Variants in LAMA3 observed in about 807,000 individuals in gnomAD.
The protein encoded by LAMA3 is laminin subunit alpha-3.
A neutral mutation model predicts 402.0 loss-of-function variants in LAMA3; 281 were observed. That is an observed-to-expected ratio of 0.70 (90% CI 0.63 to 0.77). The LOEUF is 0.77. LAMA3 is among the 30% of genes least tolerant of loss of function. The pLI is 0.00. For synonymous variants in LAMA3, 1,431 were observed against 1,558.4 expected, an observed-to-expected ratio of 0.92 and a Z score of 1.93; for missense variants, 3,840 against 4,215.5, an observed-to-expected ratio of 0.91 and a Z score of 2.47.
chr18:23,721,963 T>C (rs896917343), intron 2 of LAMA3, among the ~76,000 whole-genome samples: 3 of 152,220 alleles, frequency 2.0e-5, no homozygotes, highest in African/African-American at 4.8e-5. Flanking sequence ...TCTCAGTGTG[T>C]TGTTCTCCCT....
chr18:23,901,138 A>G lies in LAMA3; in HGVS notation c.6016A>G (p.Ile2006Val), dbSNP rs775133779. The G allele has an allele frequency of 1.2e-6, 2 of 1,613,946 alleles. No individual in the cohort carries two copies. The highest frequency in any genetic ancestry group is 2.7e-5 in the African/African-American group (2 of 74,906). Residue 2006 changes from isoleucine to valine, a missense_variant, in exon 48 of 75, where the codon ATA (isoleucine) becomes GTA (valine). Coordinates refer to ENST00000313654, the MANE Select transcript of LAMA3 (RefSeq NM_198129.4). ...KRESQLLLNR[I>V]RTWQKTHQGE... ...GTGATGTATTACAGTGCTGAACCGG[A>G]TAAGGACCTGGCAGAAAACCCACCA... is the stretch of plus-strand genomic sequence containing the variant.
chr18:23,890,969 G>A (rs1296742441), intron 42 of LAMA3, among the ~76,000 whole-genome samples: 1 of 152,210 alleles, frequency 6.6e-6, no homozygotes, highest in Non-Finnish European at 1.5e-5. Context: ...ACAGTAAAGG[G>A]ACCAAGGGAA....
In LAMA3 at chr18:23,903,092, C is replaced by T. The variant is rs377253260; in HGVS notation, c.6285C>T (p.Asn2095=). The T allele has an allele frequency of 2.2e-5, 36 of 1,611,364 alleles. No homozygotes were observed. The highest frequency in any genetic ancestry group is 3.0e-5 in the Non-Finnish European group (35 of 1,177,710). The part of the protein sequence containing the change: ...TTADSSLLQT[N]IALQLMEKSQ... ...CAGACTCATCTTTGTTGCAAACCAA[C>T]ATTGCGCTGCAGCTGATGGAGAAAA... is the stretch of plus-strand genomic sequence containing the variant. Residue 2095 remains asparagine, a synonymous_variant, in exon 49 of 75, where the codon AAC becomes AAT. Coordinates refer to ENST00000313654, the MANE Select transcript of LAMA3 (RefSeq NM_198129.4).
At chr18:23,928,006 A>G (rs1363412815) in intron 62 of LAMA3, 117 bp from the exon 63 acceptor site, 2 of 794,232 alleles carry the variant, frequency 2.5e-6, no homozygotes, top group Non-Finnish European at 2.3e-6. Context: ...GAAAGGATAA[A>G]CATAAAACAC....
At chr18:23,746,791 T>G (rs1296024062) in intron 2 of LAMA3, among the ~76,000 whole-genome samples, 1 of 151,962 alleles carries the variant, frequency 6.6e-6, no homozygotes, top group Non-Finnish European at 1.5e-5. Context: ...AAGGGGGTCC[T>G]GAGACCAAAA....
chr18:23,864,808 C>T lies in LAMA3; in HGVS notation c.4608C>T (p.Leu1536=). Residue 1536 remains leucine, a synonymous_variant, in exon 36 of 75, where the codon CTC becomes CTT. Transcript: ENST00000313654. ...GDKVSSYGGY[L]TYQAKSFGLP... is the part of the protein sequence containing the mutation. ...AGGTTTCTTCATATGGTGGTTACCT[C>T]ACTTACCAAGCCAAGTCCTTTGGCT... 2 of 1,612,830 alleles carry T rather than the reference C, an allele frequency of 1.2e-6. No individual in the cohort carries two copies. Among genetic ancestry groups the T allele is most frequent in the Non-Finnish European group, 1.7e-6 (2 of 1,178,976 alleles).
intron 7 of LAMA3, 137 bp downstream of exon 7, chr18:23,758,648 A>G (rs2061904476): frequency 1.5e-6 from 1 of 646,342 alleles, no homozygotes; most frequent in African/African-American, 1.8e-5. Context: ...TATTGTAATA[A>G]GAACCTCAGA....
intron 32 of LAMA3, among the ~76,000 whole-genome samples, chr18:23,851,621 C>T (rs2063946683): frequency 1.3e-5 from 2 of 152,232 alleles, no homozygotes; most frequent in Admixed American, 6.5e-5. Flanking sequence ...GGCTGTCTGC[C>T]TTCCTCCCTC....
chr18:23,909,302 G>A lies in LAMA3; in HGVS notation c.7158+7G>A. The stretch of plus-strand genomic sequence containing the variant: ...CAGAGATGCTGCCAGTAAGGTGAGT[G>A]TGTCCCCACGTGGTCAGTGGCCAAG... On this transcript the variant is annotated splice_region_variant and intron_variant, in intron 55 of 74. Transcript: ENST00000313654. 1 of 1,610,176 alleles carries A rather than the reference G, an allele frequency of 6.2e-7. No homozygotes were observed. The highest frequency in any genetic ancestry group is 8.5e-7 in the Non-Finnish European group (1 of 1,179,564).
chr18:23,939,671 C>A (rs1016363950), intron 68 of LAMA3, among the ~76,000 whole-genome samples: 4 of 152,278 alleles, frequency 2.6e-5, no homozygotes, highest in Admixed American at 2.6e-4. Flanking sequence ...ATAAGGATGA[C>A]ATTTTTTTTC....
intron 73 of LAMA3, among the ~76,000 whole-genome samples, chr18:23,952,559 A>G (rs1467426312): frequency 6.6e-6 from 1 of 152,178 alleles, no homozygotes; most frequent in East Asian, 1.9e-4. Context: ...ACATGAGAGG[A>G]ATTTTGTGTC....
intron 12 of LAMA3, among the ~76,000 whole-genome samples, chr18:23,786,481 G>C (rs192264568): frequency 5.6e-4 from 85 of 152,284 alleles, no homozygotes; most frequent in Non-Finnish European, 1.0e-3. Flanking sequence ...GAGAATTCTG[G>C]GATCCCAATC....
At chr18:23,722,652 A>G (rs2061234756) in intron 2 of LAMA3, among the ~76,000 whole-genome samples, 2 of 152,266 alleles carry the variant, frequency 1.3e-5, no homozygotes, top group Non-Finnish European at 2.9e-5. Context: ...CAAAACACTC[A>G]GTAGGCTGTA....
At chr18:23,824,273 C>A (rs1290096028) in intron 20 of LAMA3, 150 bp from the exon 21 acceptor site, 4 of 780,150 alleles carry the variant, frequency 5.1e-6, no homozygotes, top group African/African-American at 1.7e-5. Context: ...TTGCATAGTA[C>A]AATTTTTAAA....
chr18:23,711,389 G>A (rs764469936), intron 1 of LAMA3, among the ~76,000 whole-genome samples: 23 of 152,206 alleles, frequency 1.5e-4, no homozygotes, highest in Non-Finnish European at 3.1e-4. Context: ...TCCTGAGCCT[G>A]TGTTCTTACC....
chr18:23,931,279 T>TGA, intron 65 of LAMA3, 78 bp downstream of exon 65: 1 of 1,330,856 alleles, frequency 7.5e-7, no homozygotes. Context: ...CTGGTGTCTT[T>TGA]TTGCAAAATA....
intron 32 of LAMA3, among the ~76,000 whole-genome samples, chr18:23,853,492 C>T (rs973403876): frequency 2.0e-5 from 3 of 152,110 alleles, no homozygotes; most frequent in Non-Finnish European, 2.9e-5. Flanking sequence ...AGGCTGTTCT[C>T]GAACTCCCGA....
chr18:23,886,355 G>T (rs2065073765), intron 41 of LAMA3, among the ~76,000 whole-genome samples: 1 of 152,166 alleles, frequency 6.6e-6, no homozygotes, highest in South Asian at 2.1e-4. Flanking sequence ...TGCTAATTAG[G>T]GCCAAGCATG....
chr18:23,689,625 C>T lies in LAMA3; in HGVS notation c.-59C>T. 3.2e-6 allele frequency: 4 copies of T among 1,232,280 alleles called. No individual in the cohort carries two copies. Among genetic ancestry groups the T allele is most frequent in the Non-Finnish European group, 4.0e-6 (4 of 987,868 alleles). 76.3% of individuals were successfully genotyped at this position (1,232,280 alleles called of 1,614,324 possible). A position where few individuals can be genotyped will look rare whatever the true frequency, so the allele number is the denominator to read the frequency against. On this transcript the variant is annotated 5_prime_UTR_variant, in exon 1 of 75. Coordinates refer to ENST00000313654, the MANE Select transcript of LAMA3 (RefSeq NM_198129.4). ...AGGTCCGGGAGGCGCAGGCGGAGAG[C>T]GGCGGTGCCCCCGAGCCCCTCTGCG... is the stretch of plus-strand genomic sequence containing the variant.
Sources: allele counts gnomAD v4.1 joint callset (sites outside exome capture counted in the v4.1 genomes callset), GRCh38; gene constraint gnomAD v4.1.1; transcripts MANE v1.5; gene names NCBI Gene and HGNC (gene_info 2026-07-23, HGNC 2026-07-21).